SGMS1: variants seen among roughly 807,000 people sequenced by gnomAD.
SGMS1 encodes phosphatidylcholine:ceramide cholinephosphotransferase 1.
SGMS1 carries 13 observed loss-of-function variants against 46.2 expected under a neutral mutation model. The ratio of observed to expected loss-of-function variants is 0.28; its 90% CI spans 0.18 to 0.45. The LOEUF (loss-of-function observed/expected upper bound fraction) is 0.45, where lower values mean the gene tolerates loss of function less well. Among genes scored for constraint, SGMS1 ranks in the 20% least tolerant of loss-of-function variants. The pLI is 1.00. For missense variants in SGMS1, 324 were observed against 519.9 expected (o/e 0.62, Z 3.66); for synonymous variants, 203 against 187.8 (o/e 1.08, Z -0.66).
intron 5 of SGMS1, among the ~76,000 whole-genome samples, chr10:50,458,768 G>T (rs1269452355): frequency 6.6e-6 from 1 of 151,926 alleles, no homozygotes; most frequent in Non-Finnish European, 1.5e-5. Context: ...GATTTTTACG[G>T]TGATTTAAAA....
intron 1 of SGMS1, among the ~76,000 whole-genome samples, chr10:50,619,501 T>C (rs1838827842): frequency 6.6e-6 from 1 of 152,214 alleles, no homozygotes; most frequent in East Asian, 1.9e-4. Flanking sequence ...GAACATATCC[T>C]GCACTGGAAA....
chr10:50,553,420 A>G (rs1181531839), intron 2 of SGMS1, among the ~76,000 whole-genome samples: 1 of 152,220 alleles, frequency 6.6e-6, no homozygotes, highest in African/African-American at 2.4e-5. Flanking sequence ...AAAAGTACTT[A>G]GTATATTTCC....
chr10:50,581,097 G>A (rs1838429307), intron 2 of SGMS1, among the ~76,000 whole-genome samples: 1 of 152,152 alleles, frequency 6.6e-6, no homozygotes, highest in Non-Finnish European at 1.5e-5. Flanking sequence ...AAGAACTATT[G>A]CTCTAGTTCA....
intron 3 of SGMS1, among the ~76,000 whole-genome samples, chr10:50,514,825 A>G (rs1837787988): frequency 6.6e-6 from 1 of 151,742 alleles, no homozygotes; most frequent in Non-Finnish European, 1.5e-5. Flanking sequence ...CCTACAGACT[A>G]TCAGTAGATC....
At chr10:50,480,649 C>T (rs1353413192) in intron 3 of SGMS1, among the ~76,000 whole-genome samples, 3 of 152,064 alleles carry the variant, frequency 2.0e-5, no homozygotes, top group Non-Finnish European at 4.4e-5. Flanking sequence ...GAGATACCCT[C>T]GTGAGCCCAT....
chr10:50,356,689 A>G (rs1848154476), intron 6 of SGMS1, among the ~76,000 whole-genome samples: 1 of 152,080 alleles, frequency 6.6e-6, no homozygotes, highest in Non-Finnish European at 1.5e-5. Context: ...AAAACAATAA[A>G]TCTAATGCCT....
At chr10:50,624,731 C>T, upstream of SGMS1, 1 of 985,458 alleles carries the variant, frequency 1.0e-6, no homozygotes, top group Non-Finnish European at 1.2e-6. Flanking sequence ...CCTCTGCTCC[C>T]CGAGCGAAGC....
chr10:50,550,117 C>T (rs1838135997), intron 2 of SGMS1, among the ~76,000 whole-genome samples: 1 of 152,184 alleles, frequency 6.6e-6, no homozygotes, highest in South Asian at 2.1e-4. Context: ...ACCTTTCAGT[C>T]TTTTCCAAGA....
intron 2 of SGMS1, among the ~76,000 whole-genome samples, chr10:50,579,111 T>A (rs1388448176): frequency 6.6e-6 from 1 of 151,956 alleles, no homozygotes; most frequent in African/African-American, 2.4e-5. Context: ...CATGAAATAG[T>A]AGGATTCTAT....
rs142656790 is a variant in SGMS1 at position 50,308,015 on chromosome 10, G to T, written c.1029C>A (p.Leu343=). The T allele has an allele frequency of 9.4e-5, 151 of 1,613,864 alleles. No individual in the cohort carries two copies. The African/African-American group carries it at 1.4e-3, about 15-fold the overall frequency. The change falls in exon 10 of 11, where the codon CTC becomes CTA. Residue 343 remains leucine (L), a synonymous_variant. Transcript: ENST00000361781. ...TGGCCATAGTGTGATACCACCAGAA[G>T]AGTCTCGTGGTGATGTAATATGCCA... ...VVVAYYITTR[L]FWWYHTMANQ... is the part of the protein sequence containing the mutation.
chr10:50,381,903 C>T (rs1048937016), intron 6 of SGMS1, among the ~76,000 whole-genome samples: 1 of 152,168 alleles, frequency 6.6e-6, no homozygotes, highest in Non-Finnish European at 1.5e-5. Context: ...AACCAGCTGG[C>T]TGGCTAAACG....
chr10:50,623,132 G>A (rs899146220), intron 1 of SGMS1, among the ~76,000 whole-genome samples: 2 of 152,030 alleles, frequency 1.3e-5, no homozygotes, highest in African/African-American at 4.8e-5. Flanking sequence ...GGGAGGGGGG[G>A]TCCCACCTGT....
intron 3 of SGMS1, among the ~76,000 whole-genome samples, chr10:50,512,054 C>G (rs761706347): frequency 6.6e-6 from 1 of 152,070 alleles, no homozygotes; most frequent in Admixed American, 6.6e-5. Context: ...TTACAATGTC[C>G]ATAGTAGGGC....
At chr10:50,360,301 C>G (rs1030716320) in intron 6 of SGMS1, among the ~76,000 whole-genome samples, 4 of 152,190 alleles carry the variant, frequency 2.6e-5, no homozygotes, top group African/African-American at 9.7e-5. Flanking sequence ...TATTTCCCAT[C>G]ATTCCAGAGG....
At chr10:50,381,611 T>C (rs886372684) in intron 6 of SGMS1, among the ~76,000 whole-genome samples, 1 of 152,216 alleles carries the variant, frequency 6.6e-6, no homozygotes, top group Non-Finnish European at 1.5e-5. Context: ...AAAATGATGA[T>C]TCTACAACAA....
intron 2 of SGMS1, among the ~76,000 whole-genome samples, chr10:50,542,566 T>C (rs1012747016): frequency 6.6e-6 from 1 of 151,148 alleles, no homozygotes; most frequent in African/African-American, 2.4e-5. Context: ...ATAAAATGGT[T>C]AAAAAGCAAA....
Position 50,376,914 on chromosome 10 carries a change from G to A in SGMS1, c.-231-32569C>T, listed in dbSNP as rs1439117606. Reference sequence around the variant, plus strand: ...ATTTTTTAAGATGGGCAGCTCTACAGAAACAATTTCCATGAAAAAAGGTTA... The same window carrying A: ...ATTTTTTAAGATGGGCAGCTCTACAAAAACAATTTCCATGAAAAAAGGTTA... On this transcript the variant is annotated intron_variant, in intron 6 of 10. Transcript: ENST00000361781. 2.6e-5 allele frequency among the ~76,000 whole-genome samples: 4 copies of A among 152,110 alleles called. No individual in the cohort carries two copies. The East Asian group carries it at 7.7e-4, about 29-fold the overall frequency.
intron 7 of SGMS1, among the ~76,000 whole-genome samples, chr10:50,336,985 T>C (rs1325653078): frequency 6.6e-6 from 1 of 152,232 alleles, no homozygotes; most frequent in East Asian, 1.9e-4. Flanking sequence ...ACATAATTGA[T>C]GCAGCTACAT....
At chr10:50,359,962 T>TC (rs1244994094) in intron 6 of SGMS1, among the ~76,000 whole-genome samples, 2 of 152,364 alleles carry the variant, frequency 1.3e-5, no homozygotes, top group African/African-American at 2.4e-5. Context: ...TACTTTTTTT[T>TC]CAGTATTTTC....
Sources: allele counts gnomAD v4.1 joint callset (sites outside exome capture counted in the v4.1 genomes callset), GRCh38; gene constraint gnomAD v4.1.1; transcripts MANE v1.5; gene names NCBI Gene and HGNC (gene_info 2026-07-23, HGNC 2026-07-21).